The following CCDC144A variants were observed in gnomAD, a reference collection of about 807,000 sequenced individuals.
The protein encoded by CCDC144A is coiled-coil domain-containing protein 144A.
CCDC144A carries 41 observed loss-of-function variants against 143.8 expected under a neutral mutation model. The ratio of observed to expected loss-of-function variants is 0.29; its 90% CI spans 0.22 to 0.37. The LOEUF (loss-of-function observed/expected upper bound fraction) is 0.37, where lower values mean the gene tolerates loss of function less well. Ranked by LOEUF, CCDC144A falls within the 10% of genes least tolerant of loss-of-function variation. The pLI is 1.00. For missense variants in CCDC144A, 637 were observed against 1,488.8 expected (o/e 0.43, Z 9.41); for synonymous variants, 242 against 517.9 (o/e 0.47, Z 7.23).
At chr17:16,697,608 T>A (rs906635978) in intron 2 of CCDC144A, among the ~76,000 whole-genome samples, 1 of 152,308 alleles carries the variant, frequency 6.6e-6, no homozygotes, top group Non-Finnish European at 1.5e-5. Context: ...GGAGCTCAGT[T>A]ATTCATTTAA....
intron 5 of CCDC144A, among the ~76,000 whole-genome samples, chr17:16,711,153 AAAAAAC>A (rs1459554734): frequency 5.0e-5 from 7 of 138,924 alleles, no homozygotes; most frequent in East Asian, 2.1e-4. Flanking sequence ...AAAAAAAAAA[AAAAAAC>A]AAAAGTTAGT....
intron 15 of CCDC144A, among the ~76,000 whole-genome samples, chr17:16,770,955 G>A (rs1374334552): frequency 2.0e-5 from 3 of 151,902 alleles, no homozygotes; most frequent in Non-Finnish European, 4.4e-5. Flanking sequence ...GAAATGTTAT[G>A]GAAAGGAGTC....
chr17:16,681,010 C>G, the CCDC144A span, among the ~76,000 whole-genome samples: 1 of 151,852 alleles, frequency 6.6e-6, no homozygotes, highest in Non-Finnish European at 1.5e-5. Context: ...ATTTGACAAG[C>G]CATTCAGTGG....
chr17:16,770,106 G>A lies in CCDC144A; in HGVS notation c.4099-1871G>A, dbSNP rs554214475. ...CTCCCAAAGTGCTGAGATTACAGGCGTGAGCCACCACACCTGGACTGTCTG... is the reference window on the plus strand; with the variant it reads ...CTCCCAAAGTGCTGAGATTACAGGCATGAGCCACCACACCTGGACTGTCTG... On this transcript the variant is annotated intron_variant, in intron 15 of 16. Transcript: ENST00000399273. Among the ~76,000 whole-genome samples the A allele has an allele frequency of 3.0e-3, 462 of 151,730 alleles. 2 individuals are homozygous for A. Among genetic ancestry groups the A allele is most frequent in the Middle Eastern group, 6.8e-3 (2 of 292 alleles).
At chr17:16,766,593 AGCTGGGCATGGTGGTGT>A (rs1915605753) in intron 15 of CCDC144A, 6 of 152,516 alleles carry the variant, frequency 3.9e-5, no homozygotes, top group Admixed American at 3.9e-4. Flanking sequence ...TACAAAAATT[AGCTGGGCATGGTGGTGT>A]GCGCCTGCAG....
intron 3 of CCDC144A, chr17:16,706,942 T>C (rs1912099089): frequency 6.6e-6 from 1 of 152,172 alleles, no homozygotes; most frequent in African/African-American, 2.4e-5. Context: ...GTCTGTTTTT[T>C]ATTTTATGTA....
chr17:16,682,202 GGTGTGTGTGTGTGTGTGTGTGTGTGTGT>G, the CCDC144A span, among the ~76,000 whole-genome samples: 1 of 145,230 alleles, frequency 6.9e-6, no homozygotes, highest in Non-Finnish European at 1.5e-5. Context: ...TCTGAAAATG[GGTGTGTGTGTGTGTGTGTGTGTGTGTGT>G]GTGTGTGTGA....
At chr17:16,697,057 C>G (rs1047925663) in intron 2 of CCDC144A, among the ~76,000 whole-genome samples, 1 of 151,874 alleles carries the variant, frequency 6.6e-6, no homozygotes, top group Admixed American at 6.6e-5. Context: ...TTAGAATAAT[C>G]ATTTCTTCTT....
chr17:16,693,594 C>T (rs961769279), intron 2 of CCDC144A, among the ~76,000 whole-genome samples: 2 of 152,124 alleles, frequency 1.3e-5, no homozygotes, highest in African/African-American at 2.4e-5. Flanking sequence ...GGATTACAGG[C>T]GTGAGCCACC....
intron 2 of CCDC144A, among the ~76,000 whole-genome samples, chr17:16,693,318 T>G (rs1911197898): frequency 6.9e-6 from 1 of 145,116 alleles, no homozygotes; most frequent in Non-Finnish European, 1.5e-5. Flanking sequence ...GAAAAAGTGT[T>G]TTTTTTTGTT....
rs566835881 is a variant in CCDC144A, at chr17:16,747,567, T to A, written c.3372+11924T>A. ...TCATGAGCATGGAATGTTTTGCCATTTTTTTGGTGTCATCTATTTGGTGTC... is the reference window on the plus strand; with the variant it reads ...TCATGAGCATGGAATGTTTTGCCATATTTTTGGTGTCATCTATTTGGTGTC... On this transcript the variant is annotated intron_variant, in intron 12 of 16. Coordinates refer to ENST00000399273, the MANE Select transcript of CCDC144A (RefSeq NM_001382000.1). 8.1e-4 allele frequency among the ~76,000 whole-genome samples: 124 copies of A among 152,336 alleles called. No individual in the cohort carries two copies. In the South Asian group the frequency reaches 0.011, roughly 14 times the overall value.
chr17:16,729,998 A>ACACACACC (rs1913660148), intron 9 of CCDC144A, among the ~76,000 whole-genome samples: 1 of 140,318 alleles, frequency 7.1e-6, no homozygotes, highest in Non-Finnish European at 1.5e-5. Context: ...ATATACACAC[A>ACACACACC]TACATTTTTT....
rs1313654846 is a variant in CCDC144A, at chr17:16,776,952, C to A, written c.*3319C>A. The A allele has an allele frequency of 2.7e-4, 39 of 142,614 alleles. No individual in the cohort carries two copies. The highest frequency in any genetic ancestry group is 1.0e-3 in the African/African-American group (39 of 37,516). 8.8% of individuals were successfully genotyped at this position (142,614 alleles called of 1,614,324 possible). ...AATTCACCAACCAAGTTGCTGCTGT[C>A]TTCAGGAGACTCACCTAACACATAC... On this transcript the variant is annotated 3_prime_UTR_variant, in exon 17 of 17. Coordinates refer to ENST00000399273, the MANE Select transcript of CCDC144A (RefSeq NM_001382000.1).
chr17:16,765,458 GATAA>G (rs1357521216), intron 15 of CCDC144A: 5 of 151,624 alleles, frequency 3.3e-5, no homozygotes, highest in African/African-American at 7.3e-5. Context: ...AACAACAATA[GATAA>G]ATAGTTTTCT....
At chr17:16,700,783 G>A (rs1265109744) in intron 2 of CCDC144A, among the ~76,000 whole-genome samples, 3 of 151,974 alleles carry the variant, frequency 2.0e-5, no homozygotes, top group Admixed American at 6.6e-5. Flanking sequence ...TGGTACATAA[G>A]TTACTATGGC....
At chr17:16,689,312 C>G (rs1174939315), upstream of CCDC144A, among the ~76,000 whole-genome samples, 1 of 152,168 alleles carries the variant, frequency 6.6e-6, no homozygotes, top group Non-Finnish European at 1.5e-5. Context: ...TCTCCTGTCT[C>G]AGCCTCTGGA....
chr17:16,672,941 A>AT, the CCDC144A span, among the ~76,000 whole-genome samples: 1 of 152,114 alleles, frequency 6.6e-6, no homozygotes, highest in Non-Finnish European at 1.5e-5. Flanking sequence ...GATGATAGAG[A>AT]TATAGATAGA....
chr17:16,691,912 G>C (rs552724028), intron 1 of CCDC144A: 1 of 152,194 alleles, frequency 6.6e-6, no homozygotes, highest in Non-Finnish European at 1.5e-5. Flanking sequence ...ATTTTGCGCA[G>C]TCACTAGAAG....
intron 6 of CCDC144A, among the ~76,000 whole-genome samples, chr17:16,719,224 G>A (rs1283453338): frequency 6.6e-6 from 1 of 151,942 alleles, no homozygotes; most frequent in Non-Finnish European, 1.5e-5. Context: ...GACCAACATT[G>A]CCATCAGCAT....
Sources: gnomAD v4.1 joint callset for allele counts (sites outside exome capture counted in the v4.1 genomes callset) on GRCh38, gnomAD v4.1.1 for gene constraint, MANE v1.5 for transcripts, NCBI Gene and HGNC (gene_info 2026-07-23, HGNC 2026-07-21) for gene names.